Variants in NGLY1 observed in about 807,000 individuals in gnomAD.
NGLY1 encodes the protein peptide-N(4)-(N-acetyl-beta-glucosaminyl)asparagine amidase.
In NGLY1, 68 loss-of-function variants were observed where a neutral mutation model predicts 84.6. That is an observed-to-expected ratio of 0.80 (90% CI 0.66 to 0.98). NGLY1 has a LOEUF of 0.98. Among genes scored for constraint, NGLY1 ranks in the 50% least tolerant of loss-of-function variants. NGLY1 has a pLI of 0.00. For missense variants in NGLY1, 779 were observed against 770.2 expected, an observed-to-expected ratio of 1.01 and a Z score of -0.14; for synonymous variants, 280 against 275.2, an observed-to-expected ratio of 1.02 and a Z score of -0.17.
intron 2 of NGLY1, among the ~76,000 whole-genome samples, chr3:25,773,261 C>T (rs1334313201): frequency 6.6e-6 from 1 of 152,058 alleles, no homozygotes; most frequent in East Asian, 1.9e-4. Context: ...CTCTGGAACA[C>T]TAATTATTCT....
chr3:25,770,608 T>C (rs1707843956), intron 2 of NGLY1, among the ~76,000 whole-genome samples: 1 of 152,228 alleles, frequency 6.6e-6, no homozygotes, highest in Non-Finnish European at 1.5e-5. Context: ...CTAGATCAAA[T>C]GGTAGATCTA....
chr3:25,728,996 T>G (rs1045884666), intron 10 of NGLY1, 137 bp downstream of exon 10: 2 of 491,840 alleles, frequency 4.1e-6, no homozygotes, highest in Non-Finnish European at 3.3e-6. Context: ...GACAGAATTT[T>G]CTTTTCCAGG....
At chr3:25,764,777 A>G (rs956117315) in intron 2 of NGLY1, among the ~76,000 whole-genome samples, 6 of 152,220 alleles carry the variant, frequency 3.9e-5, no homozygotes, top group Non-Finnish European at 7.3e-5. Flanking sequence ...TTATCTAACA[A>G]CCTTTGAATC....
At chr3:25,775,046 T>C (rs1708090601) in intron 2 of NGLY1, among the ~76,000 whole-genome samples, 1 of 152,230 alleles carries the variant, frequency 6.6e-6, no homozygotes, top group African/African-American at 2.4e-5. Flanking sequence ...GGTTAAACCC[T>C]TCTCCCGTGA....
chr3:25,721,601 T>C (rs1704991839), intron 10 of NGLY1, among the ~76,000 whole-genome samples: 1 of 151,136 alleles, frequency 6.6e-6, no homozygotes, highest in African/African-American at 2.4e-5. Context: ...TACAAAATAT[T>C]AGCTGGGCGT....
chr3:25,730,676 T>C (rs560816373), intron 9 of NGLY1: 1 of 152,258 alleles, frequency 6.6e-6, no homozygotes. Context: ...ACCAACACTT[T>C]TAACTGCCCG....
chr3:25,760,000 T>C lies in NGLY1; in HGVS notation c.492+4066A>G, dbSNP rs573034660. ...TCTTTAATTTTATGCAACCCTTTATTTTGAGGCTTTAAAATTTAGAACCTG... is the reference window on the plus strand; with the variant it reads ...TCTTTAATTTTATGCAACCCTTTATCTTGAGGCTTTAAAATTTAGAACCTG... On this transcript the variant is annotated intron_variant, in intron 3 of 11. Coordinates refer to ENST00000280700, the MANE Select transcript of NGLY1 (RefSeq NM_018297.4). Among the ~76,000 whole-genome samples, 14 of 152,186 alleles carry C rather than the reference T, an allele frequency of 9.2e-5. 1 individual carries two copies. The South Asian group carries it at 2.9e-3, about 31-fold the overall frequency.
In NGLY1 at chr3:25,765,384, T is replaced by G. The variant is rs535664217; in HGVS notation, c.247-1073A>C. Among the ~76,000 whole-genome samples the G allele has an allele frequency of 6.9e-5, 10 of 145,084 alleles. No individual in the cohort carries two copies. In the South Asian group the frequency reaches 2.0e-3, roughly 28 times the overall value. ...CTGAGGCAGGAGAATTGCTTGAACCTGGGAGGCAGAGGTGAGCTGAGATCG... is the reference window on the plus strand; with the variant it reads ...CTGAGGCAGGAGAATTGCTTGAACCGGGGAGGCAGAGGTGAGCTGAGATCG... On this transcript the variant is annotated intron_variant, in intron 2 of 11. Coordinates refer to ENST00000280700, the MANE Select transcript of NGLY1 (RefSeq NM_018297.4).
chr3:25,789,987 C>G (rs1197270887), exon 1 of NGLY1: 2 of 1,249,292 alleles, frequency 1.6e-6, no homozygotes, highest in Non-Finnish European at 1.1e-6. Context: ...GGTGACGCGG[C>G]TTAAAGTCAA....
In NGLY1 at chr3:25,724,582, A is replaced by G. The variant is rs1705158520; in HGVS notation, c.1612-4391T>C. 3.3e-5 allele frequency among the ~76,000 whole-genome samples: 5 copies of G among 152,328 alleles called. No homozygotes were observed. The South Asian group carries it at 8.3e-4, about 25-fold the overall frequency. On this transcript the variant is annotated intron_variant, in intron 10 of 11. Coordinates refer to ENST00000280700, the MANE Select transcript of NGLY1 (RefSeq NM_018297.4). ...GGAAACTTTCATGGTTGCCTATTAC[A>G]TAATTGCAAGGTAATCAAAGTCTCT...
chr3:25,769,850 T>G (rs1707810156), intron 2 of NGLY1, among the ~76,000 whole-genome samples: 2 of 152,194 alleles, frequency 1.3e-5, no homozygotes, highest in African/African-American at 4.8e-5. Flanking sequence ...TCTGGTTACA[T>G]GGATAAGTTC....
At position 25,736,119 on chromosome 3, in the gene NGLY1, G is replaced by A. The variant is rs756488516; in HGVS notation, c.1034C>T (p.Ser345Phe). The A allele has an allele frequency of 2.5e-6, 4 of 1,613,780 alleles. No homozygotes were observed. In the East Asian group the frequency reaches 8.9e-5, roughly 36 times the overall value. Residue 345 changes from serine to phenylalanine, a missense_variant, in exon 7 of 12, where the codon TCT (serine) becomes TTT (phenylalanine). Transcript: ENST00000280700. Reference protein sequence around the residue: ...DHVWTEVYSPSQQRWLHCDAC... With the variant: ...DHVWTEVYSPFQQRWLHCDAC... ...ATCACAGTGCAGCCACCGCTGCTGA[G>A]AAGGAGAATAGACTTCTGTCCAGAC...
intron 7 of NGLY1, chr3:25,734,209 G>A: frequency 4.9e-6 from 2 of 406,242 alleles, no homozygotes; most frequent in Admixed American, 4.3e-5. Flanking sequence ...GGGACTATAG[G>A]CATGCACCAT....
At position 25,725,944 on chromosome 3, in the gene NGLY1, C is replaced by T. The variant is rs74470263; in HGVS notation, c.1611+3189G>A. On this transcript the variant is annotated intron_variant, in intron 10 of 11. Transcript: ENST00000280700. The stretch of plus-strand genomic sequence containing the variant: ...ACCCACATGTCTTTCACTTTACCAG[C>T]TGATACGCACCTTGAGGCTTGCCTC... Among the ~76,000 whole-genome samples, 133 of 152,360 alleles carry T rather than the reference C, an allele frequency of 8.7e-4. 2 individuals are homozygous for T. The East Asian group carries it at 0.025, about 28-fold the overall frequency.
intron 2 of NGLY1, chr3:25,777,603 G>A (rs1434787078): frequency 6.6e-6 from 1 of 151,994 alleles, no homozygotes; most frequent in Non-Finnish European, 1.5e-5. Flanking sequence ...AGAGTTTCAG[G>A]TACCTGAGAT....
intron 4 of NGLY1, among the ~76,000 whole-genome samples, chr3:25,744,889 C>T (rs914240176): frequency 5.9e-5 from 9 of 152,098 alleles, no homozygotes; most frequent in Non-Finnish European, 8.8e-5. Context: ...ACATCCGAGC[C>T]GAAAAGACAG....
intron 4 of NGLY1, among the ~76,000 whole-genome samples, chr3:25,747,692 C>T (rs562795766): frequency 1.3e-5 from 2 of 152,192 alleles, no homozygotes; most frequent in South Asian, 4.1e-4. Context: ...TTTTCTTGGA[C>T]CCATTAGAGA....
intron 10 of NGLY1, among the ~76,000 whole-genome samples, chr3:25,721,935 G>C (rs1705015488): frequency 6.6e-6 from 1 of 150,484 alleles, no homozygotes; most frequent in South Asian, 2.1e-4. Flanking sequence ...AAAGCATTTA[G>C]TGCCGGGCAC....
chr3:25,733,737 C>A, intron 8 of NGLY1, 135 bp downstream of exon 8: 1 of 454,926 alleles, frequency 2.2e-6, no homozygotes, highest in Non-Finnish European at 3.7e-6. Flanking sequence ...CTTTAATATT[C>A]AAAAAGAATA....
Sources: allele counts gnomAD v4.1 joint callset (sites outside exome capture counted in the v4.1 genomes callset), GRCh38; gene constraint gnomAD v4.1.1; transcripts MANE v1.5; gene names NCBI Gene and HGNC (gene_info 2026-07-23, HGNC 2026-07-21).